The following MCC variants were observed in gnomAD, a reference collection of about 807,000 sequenced individuals.
MCC encodes MCC regulator of Wnt signaling pathway, also known as colorectal mutant cancer protein.
Under a neutral mutation model 116.2 loss-of-function variants are expected in MCC, and 90 were observed. The observed-to-expected ratio is 0.77, with a 90% CI of 0.65 to 0.92. MCC has a LOEUF of 0.92. Ranked by LOEUF, MCC falls within the 40% of genes least tolerant of loss-of-function variation. The probability of loss-of-function intolerance (pLI) is 0.00; values close to 1 mark genes in which losing one functional copy is unlikely to be tolerated. For synonymous variants in MCC, 578 were observed against 510.5 expected, an observed-to-expected ratio of 1.13 and a Z score of -1.78; for missense variants, 1,516 against 1,312.2, an observed-to-expected ratio of 1.16 and a Z score of -2.40.
chr5:113,127,167 C>T lies in MCC; in HGVS notation c.885-4341G>A, dbSNP rs115997882. Among the ~76,000 whole-genome samples the T allele has an allele frequency of 7.3e-3, 1,110 of 152,316 alleles. 9 individuals are homozygous for T. Among genetic ancestry groups the T allele is most frequent in the Admixed American group, 0.012 (176 of 15,296 alleles). ...ATAGCCTCTGGCTCCATCCATCTTC[C>T]CACAAGACATGAGCTTGTATTTTTT... On this transcript the variant is annotated intron_variant, in intron 5 of 18. Transcript: ENST00000408903.
At chr5:113,443,468 C>A (rs1190142279) in intron 1 of MCC, among the ~76,000 whole-genome samples, 1 of 152,136 alleles carries the variant, frequency 6.6e-6, no homozygotes, top group Non-Finnish European at 1.5e-5. Flanking sequence ...TTCTTCTTTT[C>A]CTATTTGAAT....
chr5:113,077,516 A>G (rs997224291), intron 11 of MCC, among the ~76,000 whole-genome samples: 18 of 152,182 alleles, frequency 1.2e-4, no homozygotes, highest in African/African-American at 2.7e-4. Context: ...TCAAAACTGC[A>G]TAACTACATG....
chr5:113,327,978 A>G (rs1767609289), intron 3 of MCC, among the ~76,000 whole-genome samples: 1 of 152,162 alleles, frequency 6.6e-6, no homozygotes, highest in African/African-American at 2.4e-5. Context: ...AGATGTAACA[A>G]CTAACAAATG....
chr5:113,081,935 A>G (rs1456974826), intron 11 of MCC, among the ~76,000 whole-genome samples: 3 of 152,202 alleles, frequency 2.0e-5, no homozygotes, highest in South Asian at 2.1e-4. Flanking sequence ...TGGTTAGCTC[A>G]TAAGTCTTTC....
intron 3 of MCC, among the ~76,000 whole-genome samples, chr5:113,178,019 C>T (rs987523581): frequency 6.6e-6 from 1 of 152,188 alleles, no homozygotes; most frequent in Admixed American, 6.5e-5. Flanking sequence ...ACTTGGAACA[C>T]CATCTGCAAA....
chr5:113,103,793 G>A (rs778566197), intron 7 of MCC, among the ~76,000 whole-genome samples: 3 of 152,196 alleles, frequency 2.0e-5, no homozygotes, highest in Admixed American at 6.5e-5. Context: ...CAAACAGCAA[G>A]AGGAATTGAT....
At chr5:113,402,839 G>T (rs73781526) in intron 1 of MCC, among the ~76,000 whole-genome samples, 1 of 152,044 alleles carries the variant, frequency 6.6e-6, no homozygotes, top group Admixed American at 6.6e-5. Context: ...ATATCGTCCA[G>T]GCTGGAGGGC....
chr5:113,110,636 C>T (rs750829459), intron 6 of MCC, among the ~76,000 whole-genome samples: 5 of 152,258 alleles, frequency 3.3e-5, no homozygotes, highest in South Asian at 2.1e-4. Flanking sequence ...GCTAAGTTCA[C>T]GTAATCTTGG....
chr5:113,383,033 G>A (rs7737155), intron 2 of MCC, among the ~76,000 whole-genome samples: 41,071 of 151,980 alleles, frequency 0.27, 7,473 homozygotes, highest in African/African-American at 0.51. Flanking sequence ...CCTTTCTCTG[G>A]TCAGGACAGT....
At chr5:113,438,332 A>G (rs1163101254) in intron 1 of MCC, among the ~76,000 whole-genome samples, 2 of 152,186 alleles carry the variant, frequency 1.3e-5, no homozygotes, top group African/African-American at 4.8e-5. Flanking sequence ...GAGGCAATTA[A>G]GAGCATCAGA....
intron 3 of MCC, among the ~76,000 whole-genome samples, chr5:113,269,699 G>A (rs1561496299): frequency 6.6e-6 from 1 of 152,164 alleles, no homozygotes; most frequent in Non-Finnish European, 1.5e-5. Context: ...GTCAGAAAGG[G>A]CCTAATTTAC....
At chr5:113,306,026 C>T (rs528610378) in intron 3 of MCC, among the ~76,000 whole-genome samples, 5 of 152,258 alleles carry the variant, frequency 3.3e-5, no homozygotes, top group South Asian at 2.1e-4. Context: ...TCTTTGTATA[C>T]GGCTTCTTTC....
chr5:113,430,468 C>T (rs1770601065), intron 1 of MCC, among the ~76,000 whole-genome samples: 1 of 152,236 alleles, frequency 6.6e-6, no homozygotes, highest in East Asian at 1.9e-4. Flanking sequence ...AGGTCCAGCC[C>T]TCTGAGGGTA....
intron 2 of MCC, among the ~76,000 whole-genome samples, chr5:113,355,199 G>A (rs1768382170): frequency 6.6e-6 from 1 of 152,174 alleles, no homozygotes; most frequent in Admixed American, 6.5e-5. Flanking sequence ...AGGTGGGTTG[G>A]TCAAAGGAAG....
At position 113,023,407 on chromosome 5, in the gene MCC, T is replaced by A. The variant is rs1419002991; in HGVS notation, c.*3895A>T. 1 of 152,226 alleles carries A rather than the reference T, an allele frequency of 6.6e-6. No homozygotes were observed. The highest frequency in any genetic ancestry group is 1.5e-5 in the Non-Finnish European group (1 of 68,046). The allele number at this position is 152,226 out of a possible 1,614,324, so 9.4% of individuals were successfully genotyped here. On this transcript the variant is annotated 3_prime_UTR_variant, in exon 19 of 19. Coordinates refer to ENST00000408903, the MANE Select transcript of MCC (RefSeq NM_001085377.2). ...CCACTGGATAAGAAAATTTGCTGTA[T>A]GTTTTCCTGAAAAATTTTATAGTGT... is the stretch of plus-strand genomic sequence containing the variant.
At chr5:113,352,787 AACATG>A (rs1768309543) in intron 2 of MCC, among the ~76,000 whole-genome samples, 1 of 152,186 alleles carries the variant, frequency 6.6e-6, no homozygotes, top group Non-Finnish European at 1.5e-5. Flanking sequence ...TATTTGTGTT[AACATG>A]AATGTTCTTT....
chr5:113,411,530 A>G (rs1769991920), intron 1 of MCC, among the ~76,000 whole-genome samples: 1 of 151,504 alleles, frequency 6.6e-6, no homozygotes, highest in Admixed American at 6.6e-5. Flanking sequence ...TAAGGTAAAA[A>G]GCATGCATTC....
intron 5 of MCC, among the ~76,000 whole-genome samples, chr5:113,124,156 A>G (rs1330167461): frequency 6.6e-6 from 1 of 152,262 alleles, no homozygotes; most frequent in Non-Finnish European, 1.5e-5. Context: ...GCCCCATGAC[A>G]TGGAAAATAT....
intron 2 of MCC, among the ~76,000 whole-genome samples, chr5:113,347,246 T>A (rs574999911): frequency 6.6e-6 from 1 of 152,168 alleles, no homozygotes; most frequent in Admixed American, 6.5e-5. Context: ...AAAGACTAAA[T>A]GATGAACCAA....
Sources: gnomAD v4.1 joint callset for allele counts (sites outside exome capture counted in the v4.1 genomes callset) on GRCh38, gnomAD v4.1.1 for gene constraint, MANE v1.5 for transcripts, NCBI Gene and HGNC (gene_info 2026-07-23, HGNC 2026-07-21) for gene names.